Variants in CMPK2 observed in about 807,000 individuals in gnomAD.
CMPK2 encodes the protein cytidine/uridine monophosphate kinase 2, also known as UMP-CMP kinase 2, mitochondrial.
A neutral mutation model predicts 33.4 loss-of-function variants in CMPK2; 32 were observed. The observed-to-expected ratio is 0.96, with a 90% CI of 0.72 to 1.29. The LOEUF (loss-of-function observed/expected upper bound fraction) is 1.29. Ranked by LOEUF, CMPK2 falls within the 50% of genes most tolerant of loss-of-function variation. The pLI is 0.00. For synonymous variants in CMPK2, 299 were observed against 275.3 expected (o/e 1.09, Z -0.85); for missense variants, 672 against 616.0 (o/e 1.09, Z -0.96).
At chr2:6,847,871 C>T (rs138516401), downstream of CMPK2, among the ~76,000 whole-genome samples, 2 of 152,190 alleles carry the variant, frequency 1.3e-5, no homozygotes, top group Admixed American at 6.5e-5. Flanking sequence ...CACCCATGTA[C>T]CAAGCTAAAT....
rs189498139 is a variant in CMPK2 at position 6,857,786 on chromosome 2, C to A, written c.992+3398G>T. ...GAGTAGCTGGGACTACAAGTGCCCA[C>A]CACCTCGCCCGGCTAATTTTTTGTA... is the stretch of plus-strand genomic sequence containing the variant. On this transcript the variant is annotated intron_variant, in intron 3 of 4. Transcript: ENST00000256722. Among the ~76,000 whole-genome samples the A allele has an allele frequency of 1.6e-3, 248 of 152,076 alleles. 1 individual carries two copies. Among genetic ancestry groups the A allele is most frequent in the African/African-American group, 5.8e-3 (242 of 41,486 alleles).
chr2:6,842,472 G>A (rs910334847), intron 3 of CMPK2, among the ~76,000 whole-genome samples: 3 of 152,196 alleles, frequency 2.0e-5, no homozygotes, highest in African/African-American at 7.2e-5. Flanking sequence ...ACTGTTCAGA[G>A]GCAAGCTGGC....
chr2:6,851,432 T>C lies in CMPK2; in HGVS notation c.1226+18A>G, dbSNP rs1228608920. The C allele has an allele frequency of 3.1e-6, 5 of 1,614,070 alleles. No individual in the cohort carries two copies. Among genetic ancestry groups the C allele is most frequent in the Non-Finnish European group, 4.2e-6 (5 of 1,180,040 alleles). On this transcript the variant is annotated intron_variant, in intron 4 of 4. Transcript: ENST00000256722. ...AGGAATGCCTGCCGCTCACATTGCA[T>C]TGCACTGGGACACCTACTTTTGACG...
In CMPK2 at chr2:6,865,402, G is replaced by T. The variant is rs1414316710; in HGVS notation, c.295C>A (p.Leu99Met). The part of the protein sequence containing the change: ...VRAARLHQRL[L>M]HQLRRGPFQR... ...AAGGGGCCGCGGCGCAGCTGGTGCA[G>T]CAGGCGCTGGTGCAGCCGCGCCGCC... The change falls in exon 1 of 5, where the codon CTG becomes ATG. Residue 99 changes from leucine to methionine, a missense_variant. By Grantham distance (15) the Leu-to-Met change is conservative. Transcript: ENST00000256722. The T allele has an allele frequency of 3.5e-5, 47 of 1,348,974 alleles. No individual in the cohort carries two copies. Among genetic ancestry groups the T allele is most frequent in the Non-Finnish European group, 4.2e-5 (44 of 1,059,064 alleles). 83.6% of individuals were successfully genotyped at this position (1,348,974 alleles called of 1,614,324 possible).
intron 3 of CMPK2, among the ~76,000 whole-genome samples, chr2:6,841,457 T>TTACCTGAGAACA (rs1662232307): frequency 6.6e-6 from 1 of 152,216 alleles, no homozygotes; most frequent in Admixed American, 6.5e-5. Flanking sequence ...TGGTAGATAT[T>TTACCTGAGAACA]TACCTGAGAA....
downstream of CMPK2, among the ~76,000 whole-genome samples, chr2:6,847,851 G>A (rs377515026): frequency 1.1e-4 from 17 of 152,224 alleles, no homozygotes; most frequent in South Asian, 3.5e-3. Context: ...AATGCACTAG[G>A]AATTATTGGC....
At chr2:6,866,178 G>A, upstream of CMPK2, 1 of 186,038 alleles carries the variant, frequency 5.4e-6, no homozygotes, top group South Asian at 8.0e-5. Flanking sequence ...CCTTCCCGGT[G>A]TAACGGGCTC....
At chr2:6,863,109 T>C (rs1377733730) in intron 2 of CMPK2, among the ~76,000 whole-genome samples, 1 of 152,184 alleles carries the variant, frequency 6.6e-6, no homozygotes, top group South Asian at 2.1e-4. Context: ...ATTTCTTCTG[T>C]CTGGAGGATG....
exon 4 of CMPK2, chr2:6,840,588 C>A: frequency 1.4e-6 from 1 of 702,200 alleles, no homozygotes; most frequent in Non-Finnish European, 2.6e-6. Flanking sequence ...GGCCTTGACT[C>A]GAGTGTGATG....
upstream of CMPK2, chr2:6,866,474 T>C: frequency 1.0e-6 from 1 of 985,706 alleles, no homozygotes; most frequent in Non-Finnish European, 1.2e-6. Context: ...TCCCTTTTGC[T>C]GACTCTCCAA....
chr2:6,851,176 T>C, intron 4 of CMPK2: 1 of 1,263,484 alleles, frequency 7.9e-7, no homozygotes, highest in Non-Finnish European at 1.0e-6. Flanking sequence ...CAGAGACACT[T>C]ACTGTCTTAC....
intron 4 of CMPK2, chr2:6,851,012 T>C (rs1662504511): frequency 2.0e-6 from 2 of 1,018,844 alleles, no homozygotes; most frequent in South Asian, 3.9e-5. Flanking sequence ...CTTAAAGTTG[T>C]AAACTGTAAA....
In CMPK2 at chr2:6,861,405, T is replaced by C. The variant is rs770962327; in HGVS notation, c.791-20A>G. On this transcript the variant is annotated intron_variant, in intron 2 of 4. Coordinates refer to ENST00000256722, the MANE Select transcript of CMPK2 (RefSeq NM_207315.4). ...TTTTACCTGCAGGTCATACACAAAA[T>C]ATATACATCTTAACCACAGCCCCAA... The C allele has an allele frequency of 1.3e-6, 2 of 1,596,132 alleles. No homozygotes were observed. Among genetic ancestry groups the C allele is most frequent in the South Asian group, 2.2e-5 (2 of 90,294 alleles).
At position 6,849,625 on chromosome 2, in the gene CMPK2, G is replaced by A. The variant is rs987755445; in HGVS notation, c.*225C>T. The A allele has an allele frequency of 9.0e-6, 12 of 1,332,036 alleles. No individual in the cohort carries two copies. In the South Asian group the frequency reaches 9.6e-5, roughly 11 times the overall value. 82.5% of individuals were successfully genotyped at this position (1,332,036 alleles called of 1,614,324 possible). On this transcript the variant is annotated 3_prime_UTR_variant, in exon 5 of 5. Coordinates refer to ENST00000256722, the MANE Select transcript of CMPK2 (RefSeq NM_207315.4). ...TTACTATGCCAGGAAGAAAGCAATC[G>A]CTGGCCTCTCACTGGAACATGATGA...
In CMPK2 at chr2:6,863,549, T is replaced by C. The variant is rs77719173; in HGVS notation, c.705A>G (p.Ala235=). 0.012 allele frequency: 19,799 copies of C among 1,614,040 alleles called. 1,764 individuals carry two copies. The African/African-American group carries it at 0.21, about 17-fold the overall frequency. The change falls in exon 2 of 5, where the codon GCA becomes GCG. Residue 235 remains alanine (A), a synonymous_variant. Coordinates refer to ENST00000256722, the MANE Select transcript of CMPK2 (RefSeq NM_207315.4). ...GGCACTGGTCGACCAGGTCAAGCAC[T>C]GCCCGGGCTTCAGGAATAAAGGAGG... is the stretch of plus-strand genomic sequence containing the variant. ...ECTSFIPEAR[A]VLDLVDQCPK... is the part of the protein sequence containing the mutation.
Position 6,865,072 on chromosome 2 carries a change from TG to T in CMPK2, c.624del (p.Ser209ValfsTer60). The T allele has an allele frequency of 6.8e-7, 1 of 1,468,468 alleles. No homozygotes were observed. The highest frequency in any genetic ancestry group is 9.0e-7 in the Non-Finnish European group (1 of 1,109,484). The allele number at this position is 1,468,468 out of a possible 1,614,324, so 91.0% of individuals were successfully genotyped here. Reference sequence around the variant, plus strand: ...TCCCGGTCCGGGAAGACCACGGAACTGGGCAAGTCTGGCACCACCGGGTGCA... The same window carrying T: ...TCCCGGTCCGGGAAGACCACGGAACTGGCAAGTCTGGCACCACCGGGTGCA... ...PPLHPVVPDL[P>X]SSVVFPDREA... is the part of the protein sequence containing the mutation. On this transcript the variant is annotated frameshift_variant, in exon 1 of 5. Coordinates refer to ENST00000256722, the MANE Select transcript of CMPK2 (RefSeq NM_207315.4). LOFTEE classifies it high-confidence loss of function.
In CMPK2 at chr2:6,865,797, GCGGGAAACGAAAGCGAAGCGTTGC is replaced by G; in HGVS notation, c.-125_-102del. 2 of 1,263,138 alleles carry G rather than the reference GCGGGAAACGAAAGCGAAGCGTTGC, an allele frequency of 1.6e-6. No individual in the cohort carries two copies. The highest frequency in any genetic ancestry group is 2.0e-6 in the Non-Finnish European group (2 of 1,003,292). 78.2% of individuals were successfully genotyped at this position (1,263,138 alleles called of 1,614,324 possible). ...GAAACCCGGAGGGAGCCAGGCGCCA[GCGGGAAACGAAAGCGAAGCGTTGC>G]GGGGAAACGAAAGCCGGAGGCCCAG... On this transcript the variant is annotated 5_prime_UTR_variant, in exon 1 of 5. Transcript: ENST00000256722.
intron 4 of CMPK2, 80 bp downstream of exon 4, chr2:6,851,370 C>T: frequency 6.3e-7 from 1 of 1,589,374 alleles, no homozygotes; most frequent in South Asian, 1.1e-5. Flanking sequence ...CACTTCCTCA[C>T]AATCCTAAAG....
chr2:6,858,807 T>C (rs115800925), intron 3 of CMPK2, among the ~76,000 whole-genome samples: 3,476 of 152,248 alleles, frequency 0.023, 117 homozygotes, highest in African/African-American at 0.074. Context: ...GTACAGTAAA[T>C]TGGTACCAGA....
Sources: gnomAD v4.1 joint callset for allele counts (sites outside exome capture counted in the v4.1 genomes callset) on GRCh38, gnomAD v4.1.1 for gene constraint, MANE v1.5 for transcripts, NCBI Gene and HGNC (gene_info 2026-07-23, HGNC 2026-07-21) for gene names.